MYO5B: variants seen among roughly 807,000 people sequenced by gnomAD.
MYO5B encodes unconventional myosin-Vb.
Under a neutral mutation model 229.3 loss-of-function variants are expected in MYO5B, and 143 were observed. The observed-to-expected ratio is 0.62, with a 90% CI of 0.54 to 0.72. MYO5B has a LOEUF of 0.72. Ranked by LOEUF, MYO5B falls within the 30% of genes least tolerant of loss-of-function variation. The probability of loss-of-function intolerance (pLI) is 0.00; values close to 1 mark genes in which losing one functional copy is unlikely to be tolerated. For missense variants in MYO5B, 2,321 were observed against 2,331.0 expected (o/e 1.00, Z 0.09); for synonymous variants, 918 against 885.2 (o/e 1.04, Z -0.66).
At chr18:50,005,205 T>C (rs1300332776) in intron 4 of MYO5B, among the ~76,000 whole-genome samples, 8 of 152,228 alleles carry the variant, frequency 5.3e-5, no homozygotes. Flanking sequence ...TAGTTGAGCA[T>C]GTAAACCCTT....
intron 26 of MYO5B, among the ~76,000 whole-genome samples, chr18:49,875,461 A>G (rs893396124): frequency 5.3e-5 from 8 of 152,080 alleles, no homozygotes; most frequent in Non-Finnish European, 1.2e-4. Flanking sequence ...CCCTAGCTTC[A>G]CCAACAGAAA....
chr18:50,089,575 C>CAAAAAA (rs570849955), intron 1 of MYO5B, among the ~76,000 whole-genome samples: 40 of 123,964 alleles, frequency 3.2e-4, no homozygotes, highest in African/African-American at 6.5e-4. Flanking sequence ...TCATCTCTAC[C>CAAAAAA]AAAAAAAAAA....
chr18:49,865,510 C>T (rs2024385863), intron 27 of MYO5B, among the ~76,000 whole-genome samples: 1 of 152,196 alleles, frequency 6.6e-6, no homozygotes, highest in African/African-American at 2.4e-5. Context: ...CCTGGGTGAT[C>T]TTCTGGCAGC....
intron 19 of MYO5B, among the ~76,000 whole-genome samples, 170 bp downstream of exon 19, chr18:49,906,249 A>G (rs1002424075): frequency 2.6e-5 from 4 of 152,134 alleles, no homozygotes; most frequent in Admixed American, 6.5e-5. Flanking sequence ...GTGAGAAGGC[A>G]TTGATTATAG....
intron 25 of MYO5B, chr18:49,876,432 C>G (rs78351132): frequency 2.6e-4 from 51 of 193,834 alleles, no homozygotes; most frequent in African/African-American, 1.2e-3. Context: ...ACACGTCTAT[C>G]TGCCTGTGAA....
At chr18:50,059,289 A>T (rs764032194) in intron 1 of MYO5B, among the ~76,000 whole-genome samples, 1 of 152,242 alleles carries the variant, frequency 6.6e-6, no homozygotes, top group Non-Finnish European at 1.5e-5. Context: ...AAGTATGAAC[A>T]TGGAGATGTA....
At chr18:50,016,942 A>AC (rs1568072128) in intron 4 of MYO5B, among the ~76,000 whole-genome samples, 4 of 132,468 alleles carry the variant, frequency 3.0e-5, no homozygotes, top group Non-Finnish European at 1.6e-5. Context: ...ATTTAACCCT[A>AC]CCCCCTTCAC....
At chr18:50,095,779 C>T (rs888595404) in intron 1 of MYO5B, among the ~76,000 whole-genome samples, 2 of 152,236 alleles carry the variant, frequency 1.3e-5, no homozygotes, top group Non-Finnish European at 2.9e-5. Context: ...ATGAACACAT[C>T]CACCAGAACT....
chr18:50,032,031 A>C (rs1033373455), intron 4 of MYO5B, among the ~76,000 whole-genome samples: 1 of 152,042 alleles, frequency 6.6e-6, no homozygotes, highest in East Asian at 1.9e-4. Context: ...AATAGAATAC[A>C]TTTCTTCCCC....
At chr18:49,867,985 A>G (rs2024416020) in intron 27 of MYO5B, among the ~76,000 whole-genome samples, 1 of 152,196 alleles carries the variant, frequency 6.6e-6, no homozygotes, top group African/African-American at 2.4e-5. Context: ...GAGTATATTC[A>G]TCAGTTAGAG....
chr18:49,847,096 G>T, intron 33 of MYO5B, 50 bp downstream of exon 33: 1 of 1,609,174 alleles, frequency 6.2e-7, no homozygotes. Context: ...AGATGGGAGC[G>T]GGGGCTGAAG....
Position 49,906,432 on chromosome 18 carries a change from G to A in MYO5B, c.2401C>T (p.His801Tyr), listed in dbSNP as rs1185064133. The A allele has an allele frequency of 1.2e-6, 2 of 1,614,042 alleles. No individual in the cohort carries two copies. The highest frequency in any genetic ancestry group is 1.7e-5 in the Admixed American group (1 of 60,022). ...AGTCTGGCTCACCTGCGGGCCAGGTGTCCCCGGCAGTACCTCTGCAGGGTT... is the reference window on the plus strand; with the variant it reads ...AGTCTGGCTCACCTGCGGGCCAGGTATCCCCGGCAGTACCTCTGCAGGGTT... Reference protein sequence around the residue: ...TLTLQRYCRGHLARRLAEHLR... With the variant: ...TLTLQRYCRGYLARRLAEHLR... Residue 801 changes from histidine (H) to tyrosine (Y), a missense_variant, in exon 19 of 40, where the codon CAC (histidine) becomes TAC (tyrosine). Coordinates refer to ENST00000285039, the MANE Select transcript of MYO5B (RefSeq NM_001080467.3).
chr18:50,093,208 A>T (rs184786329), intron 1 of MYO5B, among the ~76,000 whole-genome samples: 2 of 89,328 alleles, frequency 2.2e-5, no homozygotes, highest in South Asian at 7.1e-4. Context: ...ACACACACAG[A>T]CACACACACA....
intron 19 of MYO5B, among the ~76,000 whole-genome samples, chr18:49,905,319 G>C (rs1024432221): frequency 3.9e-5 from 6 of 152,086 alleles, no homozygotes; most frequent in Admixed American, 3.9e-4. Flanking sequence ...ACCAATCTCT[G>C]TTTCCTTTAT....
rs566035684 is a variant in MYO5B at position 49,902,897 on chromosome 18, T to C, written c.2572-64A>G. The C allele has an allele frequency of 2.3e-4, 357 of 1,579,652 alleles. 1 individual carries two copies. In the African/African-American group the frequency reaches 3.5e-3, roughly 16 times the overall value. On this transcript the variant is annotated intron_variant, in intron 20 of 39. Coordinates refer to ENST00000285039, the MANE Select transcript of MYO5B (RefSeq NM_001080467.3). ...CTGCAGGACAGGAGTGAAGGAAGCA[T>C]ACATCACTGCCTGTGGAGGGAAGAG...
chr18:49,992,370 TGG>T lies in MYO5B; in HGVS notation c.672_673del (p.Gln225AspfsTer4). The T allele has an allele frequency of 6.2e-7, 1 of 1,614,184 alleles. No homozygotes were observed. Among genetic ancestry groups the T allele is most frequent in the South Asian group, 1.1e-5 (1 of 91,086 alleles). On this transcript the variant is annotated frameshift_variant, in exon 6 of 40. Coordinates refer to ENST00000285039, the MANE Select transcript of MYO5B (RefSeq NM_001080467.3). LOFTEE classifies it high-confidence loss of function. ...GTGGTACCTTTTGTCAAAGCCAATC[TGG>T]ATGTACTTGCCAAAACGGCTGCTGT...
Position 49,861,994 on chromosome 18 carries a change from T to TG in MYO5B, c.3944+1232dup, listed in dbSNP as rs1362211670. 1.9e-4 allele frequency among the ~76,000 whole-genome samples: 28 copies of TG among 144,700 alleles called. 1 individual carries two copies. The highest frequency in any genetic ancestry group is 1.7e-3 in the Admixed American group (25 of 14,376). The allele number at this position is 144,700 out of a possible 152,430, so 94.9% of individuals were successfully genotyped here. A position where few individuals can be genotyped will look rare whatever the true frequency, so the allele number is the denominator to read the frequency against. On this transcript the variant is annotated intron_variant, in intron 29 of 39. Transcript: ENST00000285039. ...GTAGCCAGGGAAGAGGCCAGCTCCATGTTTTTTTTTTTTTTTTTTGGAGAC... is the reference window on the plus strand; with the variant it reads ...GTAGCCAGGGAAGAGGCCAGCTCCATGGTTTTTTTTTTTTTTTTTTGGAGAC...
At chr18:49,986,650 T>C (rs558125695) in intron 7 of MYO5B, among the ~76,000 whole-genome samples, 7 of 152,366 alleles carry the variant, frequency 4.6e-5, no homozygotes, top group Admixed American at 1.3e-4. Flanking sequence ...CTTTCTTACC[T>C]AATCACTCAG....
chr18:50,189,714 C>T (rs2033201786), intron 1 of MYO5B, among the ~76,000 whole-genome samples: 1 of 152,156 alleles, frequency 6.6e-6, no homozygotes, highest in African/African-American at 2.4e-5. Flanking sequence ...CACTCAGAGC[C>T]ACCAGCAAAA....
Sources: gnomAD v4.1 joint callset for allele counts (sites outside exome capture counted in the v4.1 genomes callset) on GRCh38, gnomAD v4.1.1 for gene constraint, MANE v1.5 for transcripts, NCBI Gene and HGNC (gene_info 2026-07-23, HGNC 2026-07-21) for gene names.